EDNRB: variants seen among roughly 807,000 people sequenced by gnomAD.
The protein encoded by EDNRB is Hirschsprung disease 2.
In EDNRB, 18 loss-of-function variants were observed where a neutral mutation model predicts 46.4. The observed-to-expected ratio is 0.39, with a 90% CI of 0.27 to 0.57. The LOEUF (loss-of-function observed/expected upper bound fraction) is 0.57. EDNRB is among the 20% of genes least tolerant of loss of function. The probability of loss-of-function intolerance (pLI) is 0.61; values close to 1 mark genes in which losing one functional copy is unlikely to be tolerated. For synonymous variants in EDNRB, 213 were observed against 204.9 expected, an observed-to-expected ratio of 1.04 and a Z score of -0.34; for missense variants, 434 against 537.5, an observed-to-expected ratio of 0.81 and a Z score of 1.90.
chr13:77,959,822 C>G (rs1267539578), intron 1 of EDNRB, among the ~76,000 whole-genome samples: 2 of 152,106 alleles, frequency 1.3e-5, no homozygotes, highest in Non-Finnish European at 2.9e-5. Flanking sequence ...ACTAGAATAA[C>G]CAGTGTAGAG....
intron 1 of EDNRB, among the ~76,000 whole-genome samples, chr13:77,962,753 T>A (rs1238719875): frequency 1.3e-5 from 2 of 152,162 alleles, no homozygotes; most frequent in African/African-American, 4.8e-5. Context: ...TTCAACATAG[T>A]GTTGGAAGTT....
chr13:77,913,965 G>A (rs3027131), intron 1 of EDNRB, among the ~76,000 whole-genome samples: 1 of 152,156 alleles, frequency 6.6e-6, no homozygotes, highest in Admixed American at 6.6e-5. Flanking sequence ...ACTGGCTTTT[G>A]GTTCTGATGT....
chr13:77,918,623 G>A lies in EDNRB; in HGVS notation c.-50C>T. ...CCGGTGGCCGCTCCGCAGTTTCAGA[G>A]CCTAGAGACAAGCAGAGGAAGGAAG... On this transcript the variant is annotated 5_prime_UTR_variant, in exon 1 of 7. Transcript: ENST00000646607. This position sits in a 1 kb window ranked among gnomAD's most constrained non-coding sequence, Gnocchi z 4.5. 1 of 1,540,138 alleles carries A rather than the reference G, an allele frequency of 6.5e-7. No homozygotes were observed. Among genetic ancestry groups the A allele is most frequent in the Non-Finnish European group, 8.6e-7 (1 of 1,157,030 alleles).
rs147694773 is a variant in EDNRB at position 77,918,544 on chromosome 13, G to T, written c.30C>A (p.Arg10=). 6.3e-7 allele frequency: 1 copy of T among 1,596,012 alleles called. No homozygotes were observed. Among genetic ancestry groups the T allele is most frequent in the Non-Finnish European group, 8.5e-7 (1 of 1,173,982 alleles). ...AGGCAAGAACCAGCGCAACCAGGGC[G>T]CGTCCGCACAGACTTGGAGGCGGCT... MQPPPSLCG[R]ALVALVLACG... Residue 10 remains arginine, a synonymous_variant, in exon 1 of 7, where the codon CGC becomes CGA. Transcript: ENST00000646607. The surrounding 1 kb of genome is among the most constrained non-coding windows in gnomAD (Gnocchi z 4.5).
At chr13:77,924,083 T>G (rs1347907748), upstream of EDNRB, among the ~76,000 whole-genome samples, 1 of 152,246 alleles carries the variant, frequency 6.6e-6, no homozygotes, top group Non-Finnish European at 1.5e-5. Context: ...ATGATTTTAC[T>G]GAGTGTTTAT....
intron 1 of EDNRB, among the ~76,000 whole-genome samples, chr13:77,946,691 A>G (rs1880930088): frequency 6.6e-6 from 1 of 152,208 alleles, no homozygotes; most frequent in African/African-American, 2.4e-5. Context: ...ACAAAGCACA[A>G]TGACAGGAAT....
chr13:77,915,323 T>C (rs1404461932), intron 1 of EDNRB, among the ~76,000 whole-genome samples: 1 of 152,158 alleles, frequency 6.6e-6, no homozygotes, highest in African/African-American at 2.4e-5. Flanking sequence ...TCAAATTAAT[T>C]TCTGAAAATG....
At chr13:77,963,477 CAATCTGATCTTT>C (rs1480912970) in intron 1 of EDNRB, among the ~76,000 whole-genome samples, 4 of 152,124 alleles carry the variant, frequency 2.6e-5, no homozygotes, top group African/African-American at 9.7e-5. Flanking sequence ...ATATCTACAA[CAATCTGATCTTT>C]GATAAACCTG....
Position 77,918,810 on chromosome 13 carries a change from T to C in EDNRB, c.-237A>G. ...AGCGCGGGTCGAAACTCCTTCCTGA[T>C]GCCCTCTCAGCTGTTTTTCTTCCCC... On this transcript the variant is annotated 5_prime_UTR_variant, in exon 1 of 7. Coordinates refer to ENST00000646607, the MANE Select transcript of EDNRB (RefSeq NM_001122659.3). The surrounding 1 kb of genome is among the most constrained non-coding windows in gnomAD (Gnocchi z 4.5). 1 of 1,315,080 alleles carries C rather than the reference T, an allele frequency of 7.6e-7. No individual in the cohort carries two copies. Among genetic ancestry groups the C allele is most frequent in the Non-Finnish European group, 9.6e-7 (1 of 1,037,320 alleles). The allele number at this position is 1,315,080 out of a possible 1,614,324, so 81.5% of individuals were successfully genotyped here.
At chr13:77,906,810 A>G (rs1879305058) in intron 1 of EDNRB, among the ~76,000 whole-genome samples, 1 of 152,010 alleles carries the variant, frequency 6.6e-6, no homozygotes, top group Non-Finnish European at 1.5e-5. Flanking sequence ...TTTAAAAAAT[A>G]TTTACTGTTT....
intron 1 of EDNRB, among the ~76,000 whole-genome samples, chr13:77,946,560 A>G (rs1228179073): frequency 2.0e-5 from 3 of 152,002 alleles, no homozygotes; most frequent in Non-Finnish European, 4.4e-5. Context: ...TGCCTTTTCT[A>G]TTATAAGAGA....
At chr13:77,961,856 A>AG (rs1045924442) in intron 1 of EDNRB, among the ~76,000 whole-genome samples, 10 of 152,170 alleles carry the variant, frequency 6.6e-5, no homozygotes, top group Non-Finnish European at 1.2e-4. Flanking sequence ...TTTTTTGAAA[A>AG]GGTCAACAAA....
At chr13:77,954,165 A>T (rs1304962481) in intron 1 of EDNRB, among the ~76,000 whole-genome samples, 1 of 152,198 alleles carries the variant, frequency 6.6e-6, no homozygotes, top group East Asian at 1.9e-4. Context: ...CTGTTAAAAA[A>T]AATTTTAAGT....
At position 77,896,356 on chromosome 13, in the gene EDNRB, T is replaced by C. The variant is rs201311811; in HGVS notation, c.*1844A>G. 81 of 1,424,354 alleles carry C rather than the reference T, an allele frequency of 5.7e-5. 1 individual carries two copies. Among genetic ancestry groups the C allele is most frequent in the Non-Finnish European group, 5.8e-5 (62 of 1,070,580 alleles). The allele number at this position is 1,424,354 out of a possible 1,614,324, so 88.2% of individuals were successfully genotyped here. On this transcript the variant is annotated 3_prime_UTR_variant, in exon 7 of 7. Transcript: ENST00000646607. The stretch of plus-strand genomic sequence containing the variant: ...TGAGAGTCTAAAATGACTTCTATGA[T>C]AACAGGCCTCTGAAAAAGTGATTGG...
intron 1 of EDNRB, among the ~76,000 whole-genome samples, chr13:77,974,162 T>A (rs190014407): frequency 5.3e-5 from 8 of 152,182 alleles, no homozygotes; most frequent in African/African-American, 1.9e-4. Context: ...TTAGAATTGG[T>A]ATAGATGGCT....
chr13:77,964,848 G>T (rs1472016026), intron 1 of EDNRB, among the ~76,000 whole-genome samples: 1 of 152,050 alleles, frequency 6.6e-6, no homozygotes, highest in Non-Finnish European at 1.5e-5. Flanking sequence ...CTCTCTGCCT[G>T]GGGATTTCCT....
In EDNRB at chr13:77,975,474, G is replaced by A. The variant is rs1881861243; in HGVS notation, c.-179C>T. 1 of 152,426 alleles carries A rather than the reference G, an allele frequency of 6.6e-6. No individual in the cohort carries two copies. Among genetic ancestry groups the A allele is most frequent in the East Asian group, 1.9e-4 (1 of 5,186 alleles). 9.4% of individuals were successfully genotyped at this position (152,426 alleles called of 1,614,324 possible). A position where few individuals can be genotyped will look rare whatever the true frequency, so the allele number is the denominator to read the frequency against. On this transcript the variant is annotated 5_prime_UTR_variant, in exon 1 of 8. Transcript: ENST00000646948. ...TCCCACCGGGGCAAATGCCTACCTGGGAGTGCTCTCAGGATCCACGTTGCT... is the reference window on the plus strand; with the variant it reads ...TCCCACCGGGGCAAATGCCTACCTGAGAGTGCTCTCAGGATCCACGTTGCT...
chr13:77,921,956 T>C (rs1437213732), upstream of EDNRB, among the ~76,000 whole-genome samples: 1 of 152,184 alleles, frequency 6.6e-6, no homozygotes, highest in Non-Finnish European at 1.5e-5. Context: ...GATATAGTTT[T>C]TTTTTCATCT....
chr13:77,947,905 C>T (rs7491671), intron 1 of EDNRB: 9,311 of 152,036 alleles, frequency 0.061, 365 homozygotes, highest in Middle Eastern at 0.13. Context: ...TGCCAACCAC[C>T]GTGCCCTGTG....
Sources: gnomAD v4.1 joint callset for allele counts (sites outside exome capture counted in the v4.1 genomes callset) on GRCh38, gnomAD v4.1.1 for gene constraint, Gnocchi (gnomAD v3.1) non-coding constraint, MANE v1.5 for transcripts, NCBI Gene and HGNC (gene_info 2026-07-23, HGNC 2026-07-21) for gene names.